The following CCDC93 variants were observed in gnomAD, a reference collection of about 807,000 sequenced individuals.
CCDC93 encodes CCC complex scaffolding subunit CCDC93, also known as coiled-coil domain-containing protein 93.
Under a neutral mutation model 108.2 loss-of-function variants are expected in CCDC93, and 61 were observed. The observed-to-expected ratio is 0.56, with a 90% CI of 0.46 to 0.70. The LOEUF (loss-of-function observed/expected upper bound fraction) is 0.70. Among genes scored for constraint, CCDC93 ranks in the 30% least tolerant of loss-of-function variants. The pLI is 0.00. For synonymous variants in CCDC93, 276 were observed against 260.4 expected (o/e 1.06, Z -0.58); for missense variants, 685 against 764.2 (o/e 0.90, Z 1.22).
chr2:118,013,646 T>G (rs979989193), intron 1 of CCDC93, among the ~76,000 whole-genome samples: 2 of 152,030 alleles, frequency 1.3e-5, no homozygotes, highest in African/African-American at 4.8e-5. Flanking sequence ...GGGAGAAAGG[T>G]GGGAGCCCAG....
chr2:117,977,962 G>A (rs1482783202), intron 8 of CCDC93, 32 bp downstream of exon 8: 5 of 1,599,980 alleles, frequency 3.1e-6, no homozygotes, highest in Non-Finnish European at 3.4e-6. Flanking sequence ...CATCTCTCAA[G>A]TATTCTCTCT....
At position 117,952,428 on chromosome 2, in the gene CCDC93, G is replaced by A. The variant is rs780519084; in HGVS notation, c.1013C>T (p.Ala338Val). The A allele has an allele frequency of 1.2e-6, 2 of 1,611,304 alleles. No individual in the cohort carries two copies. The highest frequency in any genetic ancestry group is 2.2e-5 in the South Asian group (2 of 91,024). ...TCTGGCTTGTAGGCTGGTGTGACTT[G>A]CTCGCAGCTGTAAATGAAAGATAAA... ...QKTKHLEELR[A>V]SHTSLQARYN... Residue 338 changes from alanine (A) to valine (V), a missense_variant, in exon 13 of 24, where the codon GCA (alanine) becomes GTA (valine). Coordinates refer to ENST00000376300, the MANE Select transcript of CCDC93 (RefSeq NM_019044.5).
At chr2:117,950,624 G>T (rs1239808360) in intron 13 of CCDC93, 1 of 985,470 alleles carries the variant, frequency 1.0e-6, no homozygotes, top group Non-Finnish European at 1.2e-6. Flanking sequence ...AGCCTGGAAT[G>T]AAAGGGTTCA....
rs1210478929 is a variant in CCDC93, at chr2:117,917,747, A to G, written c.*2596T>C. The G allele has an allele frequency of 2.6e-5, 4 of 152,260 alleles. No individual in the cohort carries two copies. The highest frequency in any genetic ancestry group is 2.1e-4 in the South Asian group (1 of 4,832). The allele number at this position is 152,260 out of a possible 1,614,324, so 9.4% of individuals were successfully genotyped here. ...TCCCCACGCACCTCGTGATCACGCA[A>G]TCTTGTCCTGCTCACAACAGCTCTG... On this transcript the variant is annotated 3_prime_UTR_variant, in exon 24 of 24. Coordinates refer to ENST00000376300, the MANE Select transcript of CCDC93 (RefSeq NM_019044.5).
chr2:117,925,578 T>G (rs998279240), intron 23 of CCDC93, among the ~76,000 whole-genome samples: 4 of 152,208 alleles, frequency 2.6e-5, no homozygotes, highest in Non-Finnish European at 5.9e-5. Context: ...CTAACTATCC[T>G]GAATATATAT....
chr2:117,958,835 C>T (rs1679300891), intron 11 of CCDC93, among the ~76,000 whole-genome samples: 2 of 152,142 alleles, frequency 1.3e-5, no homozygotes, highest in South Asian at 4.1e-4. Flanking sequence ...CTGGAGTTAT[C>T]AAGAATAATG....
intron 6 of CCDC93, among the ~76,000 whole-genome samples, chr2:117,994,542 A>C (rs1680584944): frequency 6.6e-6 from 1 of 152,204 alleles, no homozygotes; most frequent in Non-Finnish European, 1.5e-5. Context: ...ACCTTGGTAG[A>C]CCACACATTT....
At chr2:117,945,153 G>A (rs982458735) in intron 17 of CCDC93, among the ~76,000 whole-genome samples, 7 of 152,202 alleles carry the variant, frequency 4.6e-5, no homozygotes, top group Admixed American at 1.3e-4. Flanking sequence ...TGCTGAGTCT[G>A]GTATATAGTA....
intron 11 of CCDC93, among the ~76,000 whole-genome samples, chr2:117,969,156 G>A (rs572288270): frequency 2.6e-5 from 4 of 152,278 alleles, no homozygotes; most frequent in East Asian, 1.9e-4. Context: ...ATGTAATTAC[G>A]TTATGTAAGT....
At chr2:117,995,356 A>T in intron 6 of CCDC93, 90 bp downstream of exon 6, 1 of 1,002,250 alleles carries the variant, frequency 1.0e-6, no homozygotes, top group Non-Finnish European at 1.6e-6. Context: ...CCGTAGATGG[A>T]AGCCTCAGGA....
chr2:117,988,449 C>T (rs1003678964), intron 6 of CCDC93, among the ~76,000 whole-genome samples: 5 of 152,198 alleles, frequency 3.3e-5, no homozygotes, highest in Non-Finnish European at 4.4e-5. Flanking sequence ...AAACAGCCAC[C>T]GCCAATCTGG....
chr2:118,002,868 C>T (rs1025656915), intron 3 of CCDC93, among the ~76,000 whole-genome samples: 22 of 152,266 alleles, frequency 1.4e-4, no homozygotes, highest in Admixed American at 5.9e-4. Context: ...AAGACCTTGT[C>T]TGCATAAAAA....
chr2:117,943,054 T>A (rs150614415), intron 18 of CCDC93, among the ~76,000 whole-genome samples: 77 of 152,340 alleles, frequency 5.1e-4, no homozygotes, highest in African/African-American at 1.7e-3. Flanking sequence ...CCCTGCAATC[T>A]GTCCCATCAG....
At chr2:117,948,572 C>G (rs1184560666) in intron 14 of CCDC93, among the ~76,000 whole-genome samples, 1 of 152,156 alleles carries the variant, frequency 6.6e-6, no homozygotes. Flanking sequence ...TGCTTAAGGT[C>G]ATTAAAAGCA....
At chr2:117,939,657 C>G (rs995351481) in intron 19 of CCDC93, among the ~76,000 whole-genome samples, 3 of 152,202 alleles carry the variant, frequency 2.0e-5, no homozygotes, top group African/African-American at 7.2e-5. Flanking sequence ...CTGATCCCTG[C>G]CTCTGATCAT....
At chr2:118,011,433 TTAAGTAATA>T (rs1476440816) in intron 1 of CCDC93, among the ~76,000 whole-genome samples, 1 of 152,162 alleles carries the variant, frequency 6.6e-6, no homozygotes, top group African/African-American at 2.4e-5. Context: ...AAAAATTTTC[TTAAGTAATA>T]TAAATAATTC....
intron 14 of CCDC93, 149 bp downstream of exon 14, chr2:117,949,173 T>G (rs1349307167): frequency 8.2e-6 from 5 of 610,862 alleles, no homozygotes; most frequent in Non-Finnish European, 1.5e-5. Context: ...GTCACCACTT[T>G]CTGGATGAAC....
At chr2:117,932,684 G>A (rs1678383839) in intron 22 of CCDC93, among the ~76,000 whole-genome samples, 1 of 152,180 alleles carries the variant, frequency 6.6e-6, no homozygotes, top group African/African-American at 2.4e-5. Flanking sequence ...TGGAGCCCTG[G>A]CTCAGCAGCA....
At chr2:117,976,162 C>G (rs972204850) in intron 8 of CCDC93, among the ~76,000 whole-genome samples, 2 of 152,142 alleles carry the variant, frequency 1.3e-5, no homozygotes, top group Non-Finnish European at 2.9e-5. Flanking sequence ...ACTCCGAGCT[C>G]CTAACTGCTT....
Sources: allele counts gnomAD v4.1 joint callset (sites outside exome capture counted in the v4.1 genomes callset), GRCh38; gene constraint gnomAD v4.1.1; transcripts MANE v1.5; gene names NCBI Gene and HGNC (gene_info 2026-07-23, HGNC 2026-07-21).